The following ZNF462 variants were observed in gnomAD, a reference collection of about 807,000 sequenced individuals.
ZNF462 encodes zinc finger PBX1-interacting protein.
ZNF462 carries 10 observed loss-of-function variants against 201.9 expected under a neutral mutation model. The ratio of observed to expected loss-of-function variants is 0.05; its 90% confidence interval spans 0.03 to 0.08. The LOEUF (loss-of-function observed/expected upper bound fraction) is 0.08, where lower values mean the gene tolerates loss of function less well. ZNF462 is among the 10% of genes least tolerant of loss of function. ZNF462 has a pLI of 1.00. For missense variants in ZNF462, 2,523 were observed against 3,168.3 expected, an observed-to-expected ratio of 0.80 and a Z score of 4.89; for synonymous variants, 1,227 against 1,193.3, an observed-to-expected ratio of 1.03 and a Z score of -0.58.
intron 1 of ZNF462, among the ~76,000 whole-genome samples, chr9:106,867,866 T>C (rs1186331282): frequency 6.6e-6 from 1 of 152,188 alleles, no homozygotes; most frequent in African/African-American, 2.4e-5. Context: ...CACTGCATCA[T>C]GAAATTGACA....
At chr9:106,860,940 T>G (rs1827049193), upstream of ZNF462, among the ~76,000 whole-genome samples, 4 of 151,770 alleles carry the variant, frequency 2.6e-5, no homozygotes. This position sits in a 1 kb window ranked among gnomAD's most constrained non-coding sequence, Gnocchi z 7.1. Context: ...CCTCTCTCCT[T>G]TCTTCTTTCT....
At chr9:106,916,800 A>G (rs1166288263) in intron 1 of ZNF462, among the ~76,000 whole-genome samples, 1 of 152,152 alleles carries the variant, frequency 6.6e-6, no homozygotes, top group African/African-American at 2.4e-5. Flanking sequence ...ATTGAGGGGG[A>G]GTCGTCTTCA....
In ZNF462 at chr9:106,923,465, A is replaced by G. The variant is rs1233657008; in HGVS notation, c.82A>G (p.Thr28Ala). 5.6e-6 allele frequency: 9 copies of G among 1,614,088 alleles called. No homozygotes were observed. The highest frequency in any genetic ancestry group is 6.8e-6 in the Non-Finnish European group (8 of 1,180,050). Residue 28 changes from threonine to alanine, a missense_variant, in exon 2 of 13, where the codon ACG (threonine) becomes GCG (alanine). By Grantham distance (58) the Thr-to-Ala change is moderately conservative. Coordinates refer to ENST00000277225, the MANE Select transcript of ZNF462 (RefSeq NM_021224.6). This position sits in a 1 kb window ranked among gnomAD's most constrained non-coding sequence, Gnocchi z 5.6. ...DLKAHIQDVHTAFLQPTDVAE... is the reference protein window; with the variant it reads ...DLKAHIQDVHAAFLQPTDVAE... The stretch of plus-strand genomic sequence containing the variant: ...CAAGGCACACATTCAGGATGTCCAC[A>G]CGGCATTTCTGCAGCCAACTGATGT...
rs1453505842 is a variant in ZNF462 at position 106,963,827 on chromosome 9, GAAC to G, written c.6428-8171_6428-8169del. On this transcript the variant is annotated intron_variant, in intron 7 of 12. Coordinates refer to ENST00000277225, the MANE Select transcript of ZNF462 (RefSeq NM_021224.6). The surrounding 1 kb of genome is among the most constrained non-coding windows in gnomAD (Gnocchi z 4.7). Reference sequence around the variant, plus strand: ...ACACGACTGAAACTCTATATCCATAGAACAACAACTCTCCACTTCCTTCTACCC... The same window carrying G: ...ACACGACTGAAACTCTATATCCATAGAACAACTCTCCACTTCCTTCTACCC... Among the ~76,000 whole-genome samples, 2 of 151,940 alleles carry G rather than the reference GAAC, an allele frequency of 1.3e-5. No individual in the cohort carries two copies. The highest frequency in any genetic ancestry group is 4.8e-5 in the African/African-American group (2 of 41,368).
intron 4 of ZNF462, chr9:106,931,112 A>G (rs1246234790): frequency 1.8e-5 from 3 of 167,668 alleles, no homozygotes; most frequent in South Asian, 3.2e-4. Context: ...CTGAGGATGC[A>G]GAGAGCCTAG....
At chr9:106,912,027 A>T (rs975931443) in intron 1 of ZNF462, among the ~76,000 whole-genome samples, 1 of 152,220 alleles carries the variant, frequency 6.6e-6, no homozygotes, top group Non-Finnish European at 1.5e-5. Flanking sequence ...TAGATGTTCC[A>T]CAAAGAGGCT....
chr9:106,971,943 T>C, intron 7 of ZNF462, 62 bp from the exon 8 acceptor site: 1 of 1,541,438 alleles, frequency 6.5e-7, no homozygotes, highest in African/African-American at 1.4e-5. Context: ...TCAGGGGTTT[T>C]CAAGCATCGA....
At chr9:106,958,078 G>A (rs1209163234) in intron 7 of ZNF462, among the ~76,000 whole-genome samples, 1 of 152,114 alleles carries the variant, frequency 6.6e-6, no homozygotes, top group Non-Finnish European at 1.5e-5. Context: ...AGAAAAGATG[G>A]TGTTTTCTAC....
chr9:106,959,217 C>A (rs1831717623), intron 7 of ZNF462, among the ~76,000 whole-genome samples: 1 of 152,080 alleles, frequency 6.6e-6, no homozygotes, highest in Admixed American at 6.6e-5. Context: ...CAAGTTGCTG[C>A]CATAAGTAGC....
intron 9 of ZNF462, chr9:106,975,363 G>C (rs1826919713): frequency 6.6e-6 from 1 of 152,154 alleles, no homozygotes; most frequent in African/African-American, 2.4e-5. Context: ...TGAGTATTTG[G>C]GGGCCATTGG....
rs763273088 is a variant in ZNF462, at chr9:106,924,956, G to T, written c.1044G>T (p.Pro348=). 6.2e-7 allele frequency: 1 copy of T among 1,614,126 alleles called. No individual in the cohort carries two copies. The highest frequency in any genetic ancestry group is 1.7e-5 in the Admixed American group (1 of 60,016). Residue 348 remains proline, a synonymous_variant, in exon 3 of 13, where the codon CCG becomes CCT. Transcript: ENST00000277225. The surrounding 1 kb of genome is among the most constrained non-coding windows in gnomAD (Gnocchi z 6.2). ...CCATGTCTTACCCTCAGATGAAGCCGAAGTCACCTCACAATTCTGGTCTAG... is the reference window on the plus strand; with the variant it reads ...CCATGTCTTACCCTCAGATGAAGCCTAAGTCACCTCACAATTCTGGTCTAG... ...FSPMSYPQMK[P]KSPHNSGLVN...
chr9:106,860,695 A>G (rs1827042900), upstream of ZNF462, among the ~76,000 whole-genome samples: 1 of 152,210 alleles, frequency 6.6e-6, no homozygotes, highest in Non-Finnish European at 1.5e-5. This position sits in a 1 kb window ranked among gnomAD's most constrained non-coding sequence, Gnocchi z 7.1. Flanking sequence ...AAAGAGGTAA[A>G]TTATCAGCCG....
intron 1 of ZNF462, among the ~76,000 whole-genome samples, chr9:106,882,878 G>T (rs943571859): frequency 6.6e-6 from 1 of 152,090 alleles, no homozygotes; most frequent in African/African-American, 2.4e-5. Flanking sequence ...GAAGCCTCAA[G>T]GAATATAGGG....
In ZNF462 at chr9:106,865,746, T is replaced by C. The variant is rs569467269; in HGVS notation, c.-31+2391T>C. On this transcript the variant is annotated intron_variant, in intron 1 of 12. Transcript: ENST00000277225. This position sits in a 1 kb window ranked among gnomAD's most constrained non-coding sequence, Gnocchi z 4.1. ...CATGATGTCAGTTGAGAAAACCTTA[T>C]GTCCAGGTATCTTCACCTTTTTAAT... Among the ~76,000 whole-genome samples, 45 of 152,340 alleles carry C rather than the reference T, an allele frequency of 3.0e-4. No homozygotes were observed. Among genetic ancestry groups the C allele is most frequent in the Middle Eastern group, 3.4e-3 (1 of 294 alleles).
chr9:106,915,909 TA>T (rs1443296278), intron 1 of ZNF462, among the ~76,000 whole-genome samples: 1 of 152,122 alleles, frequency 6.6e-6, no homozygotes, highest in African/African-American at 2.4e-5. Context: ...TATAAGAAAA[TA>T]GACTGGAAGG....
In ZNF462 at chr9:107,011,031, G is replaced by C; in HGVS notation, c.*1G>C. On this transcript the variant is annotated 3_prime_UTR_variant, in exon 13 of 13. Coordinates refer to ENST00000277225, the MANE Select transcript of ZNF462 (RefSeq NM_021224.6). The surrounding 1 kb of genome is among the most constrained non-coding windows in gnomAD (Gnocchi z 5.6). ...GAATGCAGAGGCCAAAAAAGAATGA[G>C]CGTTTGGTGAAATTCTTAATCAAAC... 1 of 1,612,598 alleles carries C rather than the reference G, an allele frequency of 6.2e-7. No homozygotes were observed. The highest frequency in any genetic ancestry group is 8.5e-7 in the Non-Finnish European group (1 of 1,179,726).
At position 106,890,794 on chromosome 9, in the gene ZNF462, G is replaced by T. The variant is rs2131046176; in HGVS notation, c.-31+27439G>T. On this transcript the variant is annotated intron_variant, in intron 1 of 12. Transcript: ENST00000277225. The surrounding 1 kb of genome is among the most constrained non-coding windows in gnomAD (Gnocchi z 4.2). ...TCGTAGGGAGTGCATAGTAGACTATGTTGTTCAATTATCATGAGATTACCA... is the reference window on the plus strand; with the variant it reads ...TCGTAGGGAGTGCATAGTAGACTATTTTGTTCAATTATCATGAGATTACCA... Among the ~76,000 whole-genome samples, 1 of 152,264 alleles carries T rather than the reference G, an allele frequency of 6.6e-6. No homozygotes were observed. The highest frequency in any genetic ancestry group is 1.9e-4 in the East Asian group (1 of 5,174).
In ZNF462 at chr9:106,883,177, T is replaced by A. The variant is rs777742956; in HGVS notation, c.-31+19822T>A. 3.9e-5 allele frequency among the ~76,000 whole-genome samples: 6 copies of A among 152,210 alleles called. No homozygotes were observed. The highest frequency in any genetic ancestry group is 8.8e-5 in the Non-Finnish European group (6 of 68,022). Reference sequence around the variant, plus strand: ...AGTCCCAACCTCACTGAAGGACATATTCTGAAGAGCCAGCTCATTAAGCAA... The same window carrying A: ...AGTCCCAACCTCACTGAAGGACATAATCTGAAGAGCCAGCTCATTAAGCAA... On this transcript the variant is annotated intron_variant, in intron 1 of 12. Coordinates refer to ENST00000277225, the MANE Select transcript of ZNF462 (RefSeq NM_021224.6). This position sits in a 1 kb window ranked among gnomAD's most constrained non-coding sequence, Gnocchi z 4.9.
chr9:106,939,367 G>A (rs1295550586), intron 7 of ZNF462, among the ~76,000 whole-genome samples: 2 of 152,158 alleles, frequency 1.3e-5, no homozygotes, highest in Non-Finnish European at 1.5e-5. Flanking sequence ...CCTGTCAAGT[G>A]GGATGGATTA....
Sources: allele counts gnomAD v4.1 joint callset (sites outside exome capture counted in the v4.1 genomes callset), GRCh38; gene constraint gnomAD v4.1.1; non-coding constraint Gnocchi (gnomAD v3.1); transcripts MANE v1.5; gene names NCBI Gene and HGNC (gene_info 2026-07-23, HGNC 2026-07-21).